The following FMN1 variants were observed in gnomAD, a reference collection of about 807,000 sequenced individuals.
The protein encoded by FMN1 is formin-1.
Under a neutral mutation model 132.4 loss-of-function variants are expected in FMN1, and 110 were observed. The observed-to-expected ratio is 0.83, with a 90% CI of 0.71 to 0.97. The LOEUF (loss-of-function observed/expected upper bound fraction) is 0.97, where lower values mean the gene tolerates loss of function less well. FMN1 is among the 50% of genes least tolerant of loss of function. The pLI is 0.00. For missense variants in FMN1, 1,792 were observed against 1,705.3 expected, an observed-to-expected ratio of 1.05 and a Z score of -0.90; for synonymous variants, 722 against 651.7, an observed-to-expected ratio of 1.11 and a Z score of -1.64.
intron 17 of FMN1, among the ~76,000 whole-genome samples, chr15:32,831,908 G>A (rs2058512932): frequency 6.6e-6 from 1 of 152,112 alleles, no homozygotes; most frequent in South Asian, 2.1e-4. Context: ...TGGCACCAGG[G>A]ATTTCTGTGT....
intron 4 of FMN1, among the ~76,000 whole-genome samples, chr15:33,105,113 A>G (rs2039435579): frequency 6.6e-6 from 1 of 152,076 alleles, no homozygotes; most frequent in South Asian, 2.1e-4. Flanking sequence ...GGGAATGAGC[A>G]ACCAAAGGGT....
chr15:32,918,467 C>T (rs940481257), intron 10 of FMN1, among the ~76,000 whole-genome samples: 1 of 152,100 alleles, frequency 6.6e-6, no homozygotes, highest in East Asian at 1.9e-4. Context: ...AATGGACAAT[C>T]GCAAAAGGGA....
At chr15:33,167,226 T>C (rs1965144467) in intron 3 of FMN1, among the ~76,000 whole-genome samples, 1 of 152,114 alleles carries the variant, frequency 6.6e-6, no homozygotes. Context: ...GTGGCGGTTT[T>C]CCCAATACTG....
At chr15:33,096,151 G>A (rs2039077368) in intron 4 of FMN1, among the ~76,000 whole-genome samples, 1 of 152,210 alleles carries the variant, frequency 6.6e-6, no homozygotes, top group African/African-American at 2.4e-5. Flanking sequence ...TCATCAAAAG[G>A]AAGAAACAAG....
At chr15:33,115,086 G>C (rs571386257) in intron 4 of FMN1, among the ~76,000 whole-genome samples, 1 of 152,268 alleles carries the variant, frequency 6.6e-6, no homozygotes, top group South Asian at 2.1e-4. Flanking sequence ...CACTATGCCA[G>C]GCACGGAATC....
intron 5 of FMN1, chr15:33,066,646 G>C (rs751585877): frequency 3.1e-6 from 5 of 1,613,606 alleles, no homozygotes; most frequent in African/African-American, 2.7e-5. Flanking sequence ...TCCCCTTTCT[G>C]GGGGGCCGGA....
rs1241321221 is a variant in FMN1 at position 33,153,426 on chromosome 15, G to A, written c.1489C>T (p.Pro497Ser). The change falls in exon 4 of 21, where the codon CCG (proline) becomes TCG (serine). Residue 497 changes from proline (P) to serine (S), a missense_variant. By Grantham distance (74) the Pro-to-Ser change is moderately conservative. Coordinates refer to ENST00000616417, the MANE Select transcript of FMN1 (RefSeq NM_001277313.2). ...TTAAACACCTTGCCAAGAGCTGCCG[G>A]TGCTGGTGGGGATGGCTTCTTCTTA... ...GDKKKPSPPAPAALGKVFNNS... is the reference protein window; with the variant it reads ...GDKKKPSPPASAALGKVFNNS... The A allele has an allele frequency of 3.9e-6, 6 of 1,536,876 alleles. No individual in the cohort carries two copies. The South Asian group carries it at 5.9e-5, about 15-fold the overall frequency.
chr15:32,878,351 A>G (rs1002406609), intron 16 of FMN1, among the ~76,000 whole-genome samples: 2 of 152,248 alleles, frequency 1.3e-5, no homozygotes, highest in Non-Finnish European at 2.9e-5. Flanking sequence ...AGAGGAATGA[A>G]GATGAAATAA....
chr15:32,840,718 G>A (rs1259031950), intron 17 of FMN1, among the ~76,000 whole-genome samples: 1 of 152,124 alleles, frequency 6.6e-6, no homozygotes, highest in African/African-American at 2.4e-5. Context: ...GGGAGGGGAG[G>A]GTATGGAAAT....
chr15:32,887,809 T>C (rs1296112752), intron 16 of FMN1, among the ~76,000 whole-genome samples: 1 of 152,216 alleles, frequency 6.6e-6, no homozygotes, highest in Non-Finnish European at 1.5e-5. Context: ...TTTTCTCATC[T>C]GTAAAATGGG....
chr15:33,137,494 A>G (rs892768220), intron 4 of FMN1, among the ~76,000 whole-genome samples: 1 of 152,216 alleles, frequency 6.6e-6, no homozygotes, highest in African/African-American at 2.4e-5. Context: ...AGAGTAAGAC[A>G]TGACTGATCA....
intron 6 of FMN1, chr15:33,013,060 A>T (rs1030819948): frequency 4.9e-6 from 2 of 404,796 alleles, no homozygotes; most frequent in South Asian, 1.9e-5. Flanking sequence ...CACTGGCAGA[A>T]GATTTTAATT....
intron 7 of FMN1, among the ~76,000 whole-genome samples, chr15:32,978,170 AAGGTGATAGTT>A (rs1259064560): frequency 6.6e-6 from 1 of 152,052 alleles, no homozygotes; most frequent in Non-Finnish European, 1.5e-5. Context: ...TTAATTTTGA[AAGGTGATAGTT>A]AATTACAAGT....
intron 7 of FMN1, among the ~76,000 whole-genome samples, chr15:33,004,788 C>G (rs2034319984): frequency 6.6e-6 from 1 of 152,118 alleles, no homozygotes; most frequent in African/African-American, 2.4e-5. Flanking sequence ...GGAACCAACC[C>G]AAATGTCCAT....
At chr15:32,953,122 T>A (rs1209655860) in intron 9 of FMN1, among the ~76,000 whole-genome samples, 1 of 152,104 alleles carries the variant, frequency 6.6e-6, no homozygotes, top group Non-Finnish European at 1.5e-5. Flanking sequence ...TCCAATCCCT[T>A]TTGTCATTCA....
intron 17 of FMN1, among the ~76,000 whole-genome samples, chr15:32,826,665 C>T (rs1596021645): frequency 6.6e-6 from 1 of 152,176 alleles, no homozygotes; most frequent in Admixed American, 6.5e-5. Flanking sequence ...TTGCTCCATT[C>T]TTAAGTCATA....
intron 19 of FMN1, among the ~76,000 whole-genome samples, chr15:32,788,496 A>C (rs1369722314): frequency 6.6e-6 from 1 of 152,152 alleles, no homozygotes; most frequent in Non-Finnish European, 1.5e-5. Flanking sequence ...TAGCACTGAG[A>C]GCCTGTTTGC....
intron 6 of FMN1, among the ~76,000 whole-genome samples, chr15:33,033,893 A>T (rs2036066864): frequency 6.6e-6 from 1 of 152,068 alleles, no homozygotes; most frequent in Admixed American, 6.6e-5. Context: ...CCTCTCTGAT[A>T]CACTTTCCTC....
At chr15:32,896,058 TTGCTC>T (rs1351812077) in intron 15 of FMN1, among the ~76,000 whole-genome samples, 1 of 152,098 alleles carries the variant, frequency 6.6e-6, no homozygotes, top group African/African-American at 2.4e-5. Context: ...CTTTAAAACT[TTGCTC>T]TGGTCTCTGG....
Sources: gnomAD v4.1 joint callset for allele counts (sites outside exome capture counted in the v4.1 genomes callset) on GRCh38, gnomAD v4.1.1 for gene constraint, MANE v1.5 for transcripts, NCBI Gene and HGNC (gene_info 2026-07-23, HGNC 2026-07-21) for gene names.